Variants in CBFA2T3 observed in about 807,000 individuals in gnomAD.
The protein encoded by CBFA2T3 is transcriptional corepressor CBFA2T3.
Under a neutral mutation model 58.6 loss-of-function variants are expected in CBFA2T3, and 31 were observed. That is an observed-to-expected ratio of 0.53 (90% CI 0.40 to 0.71). The LOEUF is 0.71. Ranked by LOEUF, CBFA2T3 falls within the 30% of genes least tolerant of loss-of-function variation. The probability of loss-of-function intolerance (pLI) is 0.00; values close to 1 mark genes in which losing one functional copy is unlikely to be tolerated. For synonymous variants in CBFA2T3, 531 were observed against 421.9 expected, an observed-to-expected ratio of 1.26 and a Z score of -3.17; for missense variants, 1,076 against 963.1, an observed-to-expected ratio of 1.12 and a Z score of -1.55.
chr16:88,966,750 G>C (rs951029266), intron 1 of CBFA2T3, among the ~76,000 whole-genome samples: 1 of 152,060 alleles, frequency 6.6e-6, no homozygotes, highest in Non-Finnish European at 1.5e-5. Context: ...GGGTTGGGGT[G>C]GGGGGCGTCT....
At chr16:88,910,785 G>A (rs77276646) in intron 1 of CBFA2T3, among the ~76,000 whole-genome samples, 19,240 of 152,240 alleles carry the variant, frequency 0.13, 1,503 homozygotes, top group Non-Finnish European at 0.17. Context: ...TAGAGGCAAA[G>A]TGAAGGGACG....
At chr16:88,908,305 G>A (rs982870460) in intron 1 of CBFA2T3, among the ~76,000 whole-genome samples, 1 of 150,782 alleles carries the variant, frequency 6.6e-6, no homozygotes, top group Non-Finnish European at 1.5e-5. Flanking sequence ...TCGTGCCACC[G>A]CACTCCAGCC....
intron 1 of CBFA2T3, among the ~76,000 whole-genome samples, chr16:88,934,498 C>T (rs901599685): frequency 9.2e-5 from 14 of 152,246 alleles, no homozygotes; most frequent in East Asian, 1.9e-4. Flanking sequence ...CTGGCCGGCA[C>T]GGCCGGCACC....
At chr16:88,910,444 A>G (rs1764512483) in intron 1 of CBFA2T3, among the ~76,000 whole-genome samples, 1 of 152,192 alleles carries the variant, frequency 6.6e-6, no homozygotes. Flanking sequence ...GCCACACTGC[A>G]GGCATTCAGC....
chr16:88,898,372 G>T (rs555374884), intron 2 of CBFA2T3, among the ~76,000 whole-genome samples: 1 of 152,106 alleles, frequency 6.6e-6, no homozygotes, highest in African/African-American at 2.4e-5. Flanking sequence ...TGCCCTCAGG[G>T]ACGCCCGGGC....
intron 1 of CBFA2T3, among the ~76,000 whole-genome samples, chr16:88,915,925 TGTGTGC>T (rs1266189284): frequency 6.6e-6 from 1 of 152,012 alleles, no homozygotes; most frequent in African/African-American, 2.4e-5. Flanking sequence ...CCATTAGGCA[TGTGTGC>T]GTGTGAGTGT....
At chr16:88,931,866 T>A (rs547734279) in intron 1 of CBFA2T3, among the ~76,000 whole-genome samples, 2 of 151,548 alleles carry the variant, frequency 1.3e-5, no homozygotes, top group African/African-American at 4.9e-5. Flanking sequence ...GCAGAGGGGA[T>A]GGGGAGGAGG....
chr16:88,967,516 T>C (rs1597799080), intron 1 of CBFA2T3, among the ~76,000 whole-genome samples: 1 of 151,842 alleles, frequency 6.6e-6, no homozygotes, highest in Non-Finnish European at 1.5e-5. Flanking sequence ...GGGTGTGGGG[T>C]GGCTAAGCCT....
At chr16:88,941,145 C>T (rs943556656) in intron 1 of CBFA2T3, 30 of 983,608 alleles carry the variant, frequency 3.0e-5, no homozygotes, top group Non-Finnish European at 3.6e-5. Flanking sequence ...GCGCTGTCTT[C>T]TGGCGCCGCA....
intron 1 of CBFA2T3, among the ~76,000 whole-genome samples, chr16:88,943,233 G>C (rs1971803169): frequency 1.3e-5 from 2 of 152,250 alleles, no homozygotes; most frequent in South Asian, 4.1e-4. Flanking sequence ...GCCTGCGGCA[G>C]CTGTGGCTGC....
At chr16:88,968,707 A>G (rs1444963580) in intron 1 of CBFA2T3, among the ~76,000 whole-genome samples, 1 of 152,172 alleles carries the variant, frequency 6.6e-6, no homozygotes, top group East Asian at 1.9e-4. Context: ...CCACCACTGC[A>G]GGCCCCCTTG....
At chr16:88,970,861 G>A (rs932492656) in intron 1 of CBFA2T3, among the ~76,000 whole-genome samples, 1 of 152,212 alleles carries the variant, frequency 6.6e-6, no homozygotes, top group East Asian at 1.9e-4. Flanking sequence ...GGGATGAGTA[G>A]TACGTAAGGG....
intron 1 of CBFA2T3, among the ~76,000 whole-genome samples, chr16:88,962,575 G>A (rs1597794238): frequency 6.6e-6 from 1 of 152,232 alleles, no homozygotes; most frequent in Non-Finnish European, 1.5e-5. Context: ...GAGGGCACGT[G>A]GTGGGGCCAG....
intron 1 of CBFA2T3, among the ~76,000 whole-genome samples, chr16:88,917,562 C>T (rs973946941): frequency 3.9e-5 from 6 of 152,176 alleles, no homozygotes; most frequent in African/African-American, 9.7e-5. Flanking sequence ...CCCAAAGTGT[C>T]GTCGCTGTTT....
intron 1 of CBFA2T3, among the ~76,000 whole-genome samples, chr16:88,964,766 TCCATCCATCCAC>T (rs904508593): frequency 2.6e-5 from 4 of 151,490 alleles, no homozygotes; most frequent in African/African-American, 4.9e-5. Context: ...CACCCACTCA[TCCATCCATCCAC>T]CCATCCATCC....
At chr16:88,918,397 G>C (rs1318405464) in intron 1 of CBFA2T3, among the ~76,000 whole-genome samples, 1 of 152,148 alleles carries the variant, frequency 6.6e-6, no homozygotes, top group Non-Finnish European at 1.5e-5. Context: ...TCGCAGTGTG[G>C]GCTGTGGCTG....
At chr16:88,888,987 C>T (rs1444126342) in intron 5 of CBFA2T3, among the ~76,000 whole-genome samples, 2 of 151,782 alleles carry the variant, frequency 1.3e-5, no homozygotes, top group South Asian at 2.1e-4. Context: ...GGACAGGGGC[C>T]GTAGGCCTGG....
At chr16:88,925,200 C>T (rs1047513689) in intron 1 of CBFA2T3, among the ~76,000 whole-genome samples, 2 of 152,220 alleles carry the variant, frequency 1.3e-5, no homozygotes, top group African/African-American at 4.8e-5. Context: ...CGGATTGGTC[C>T]TCTCCCAGCC....
intron 1 of CBFA2T3, 141 bp downstream of exon 1, chr16:88,976,516 C>G (rs536443034): frequency 1.5e-6 from 1 of 661,422 alleles, no homozygotes; most frequent in African/African-American, 1.8e-5. Flanking sequence ...CTGTTGATAT[C>G]TGAGGTGAGT....
Sources: allele counts gnomAD v4.1 joint callset (sites outside exome capture counted in the v4.1 genomes callset), GRCh38; gene constraint gnomAD v4.1.1; transcripts MANE v1.5; gene names NCBI Gene and HGNC (gene_info 2026-07-23, HGNC 2026-07-21).